Variants in ST6GALNAC3 observed in about 807,000 individuals in gnomAD.
ST6GALNAC3 encodes ST6 N-acetylgalactosaminide alpha-2,6-sialyltransferase 3.
In ST6GALNAC3, 25 loss-of-function variants were observed where a neutral mutation model predicts 32.7. That is an observed-to-expected ratio of 0.76 (90% confidence interval 0.56 to 1.07). The LOEUF is 1.07. Ranked by LOEUF, ST6GALNAC3 falls within the 50% of genes least tolerant of loss-of-function variation. The probability of loss-of-function intolerance (pLI) is 0.00; values close to 1 mark genes in which losing one functional copy is unlikely to be tolerated. For missense variants in ST6GALNAC3, 355 were observed against 382.4 expected (o/e 0.93, Z 0.60); for synonymous variants, 129 against 133.1 (o/e 0.97, Z 0.21).
At chr1:76,086,208 C>T (rs965143179) in intron 1 of ST6GALNAC3, among the ~76,000 whole-genome samples, 3 of 152,204 alleles carry the variant, frequency 2.0e-5, no homozygotes, top group African/African-American at 7.2e-5. Context: ...CAGGAAACAG[C>T]TTTCACAGTT....
chr1:76,321,504 T>C (rs1646965990), intron 2 of ST6GALNAC3, among the ~76,000 whole-genome samples: 1 of 152,202 alleles, frequency 6.6e-6, no homozygotes. Context: ...AAAAAAGTCC[T>C]AGCTGATATA....
chr1:76,257,692 G>A (rs1261821509), intron 1 of ST6GALNAC3, among the ~76,000 whole-genome samples: 5 of 152,012 alleles, frequency 3.3e-5, no homozygotes, highest in Non-Finnish European at 1.5e-5. Context: ...TATTTGGCCT[G>A]TACCCACTGT....
Position 76,132,027 on chromosome 1 carries a change from T to C in ST6GALNAC3, c.18+57143T>C, listed in dbSNP as rs116673874. On this transcript the variant is annotated intron_variant, in intron 1 of 4. Coordinates refer to ENST00000328299, the MANE Select transcript of ST6GALNAC3 (RefSeq NM_152996.4). ...CCATGCCCTCCCCAAAAACACACAATGCCACCATTCCACTCCTCCCTTGTG... is the reference window on the plus strand; with the variant it reads ...CCATGCCCTCCCCAAAAACACACAACGCCACCATTCCACTCCTCCCTTGTG... 7.8e-3 allele frequency among the ~76,000 whole-genome samples: 1,195 copies of C among 152,282 alleles called. 14 individuals are homozygous for C. Among genetic ancestry groups the C allele is most frequent in the African/African-American group, 0.028 (1,153 of 41,556 alleles).
chr1:76,577,112 T>G (rs1307404078), intron 3 of ST6GALNAC3: 1 of 1,086,516 alleles, frequency 9.2e-7, no homozygotes, highest in Non-Finnish European at 1.1e-6. Flanking sequence ...AGGGAAATTG[T>G]GGTATGTGGT....
intron 1 of ST6GALNAC3, among the ~76,000 whole-genome samples, chr1:76,205,865 A>G (rs1022024880): frequency 6.6e-6 from 1 of 152,166 alleles, no homozygotes; most frequent in African/African-American, 2.4e-5. Context: ...CGGATCCCCA[A>G]ACAGTGAATG....
At chr1:76,252,722 G>T (rs1377513297) in intron 1 of ST6GALNAC3, among the ~76,000 whole-genome samples, 2 of 152,134 alleles carry the variant, frequency 1.3e-5, no homozygotes, top group African/African-American at 4.8e-5. Context: ...TGTAAACACA[G>T]CTGAGAAATG....
intron 3 of ST6GALNAC3, among the ~76,000 whole-genome samples, chr1:76,426,584 GAGAGAGAGAA>G (rs1435797647): frequency 6.6e-6 from 1 of 151,244 alleles, no homozygotes; most frequent in African/African-American, 2.4e-5. Context: ...TATATATAGG[GAGAGAGAGAA>G]AGAGAGAGAG....
rs115574324 is a variant in ST6GALNAC3 at position 76,137,306 on chromosome 1, C to T, written c.18+62422C>T. On this transcript the variant is annotated intron_variant, in intron 1 of 4. Coordinates refer to ENST00000328299, the MANE Select transcript of ST6GALNAC3 (RefSeq NM_152996.4). ...ATTTTCAGCACCCTCAGCTGTTAGC[C>T]GTGCTATGGATGTGATGTTGGGGAA... Among the ~76,000 whole-genome samples, 1,120 of 152,290 alleles carry T rather than the reference C, an allele frequency of 7.4e-3. 15 individuals are homozygous for T. The highest frequency in any genetic ancestry group is 0.025 in the African/African-American group (1,051 of 41,554).
At chr1:76,256,841 T>A (rs1054692059) in intron 1 of ST6GALNAC3, among the ~76,000 whole-genome samples, 1 of 152,006 alleles carries the variant, frequency 6.6e-6, no homozygotes, top group South Asian at 2.1e-4. Flanking sequence ...AGAAAAATAC[T>A]CCAGTCACAA....
chr1:76,543,668 G>C (rs977873065), intron 3 of ST6GALNAC3, among the ~76,000 whole-genome samples: 5 of 152,108 alleles, frequency 3.3e-5, no homozygotes, highest in African/African-American at 1.2e-4. Flanking sequence ...ATCTCAGAGA[G>C]CAGAGAACTC....
At chr1:76,362,826 G>A (rs968928884) in intron 2 of ST6GALNAC3, among the ~76,000 whole-genome samples, 3 of 152,216 alleles carry the variant, frequency 2.0e-5, no homozygotes, top group Non-Finnish European at 4.4e-5. Flanking sequence ...GCAGGGTTCA[G>A]CCCCCATGGC....
At chr1:76,499,336 T>G (rs893808562) in intron 3 of ST6GALNAC3, among the ~76,000 whole-genome samples, 8 of 152,170 alleles carry the variant, frequency 5.3e-5, no homozygotes, top group Admixed American at 1.3e-4. Context: ...GTGTGAACAT[T>G]GAGTTCCATT....
At chr1:76,470,685 A>G (rs1470339451) in intron 3 of ST6GALNAC3, among the ~76,000 whole-genome samples, 1 of 152,050 alleles carries the variant, frequency 6.6e-6, no homozygotes, top group African/African-American at 2.4e-5. Context: ...GAGTTTGGAT[A>G]AAAACTCAAG....
intron 1 of ST6GALNAC3, among the ~76,000 whole-genome samples, chr1:76,282,497 A>G (rs1196460663): frequency 6.6e-6 from 1 of 152,160 alleles, no homozygotes; most frequent in Admixed American, 6.5e-5. Flanking sequence ...GTATATGTCA[A>G]TACTTGATTA....
At chr1:76,462,822 A>G (rs960309713) in intron 3 of ST6GALNAC3, among the ~76,000 whole-genome samples, 3 of 152,226 alleles carry the variant, frequency 2.0e-5, no homozygotes, top group Non-Finnish European at 2.9e-5. Context: ...TGCTGCAGGG[A>G]TGCTCATTAG....
intron 1 of ST6GALNAC3, among the ~76,000 whole-genome samples, chr1:76,216,699 G>A (rs547872925): frequency 1.3e-5 from 2 of 152,314 alleles, no homozygotes; most frequent in African/African-American, 4.8e-5. Flanking sequence ...CAACCATTGA[G>A]TGAAATCCAA....
chr1:76,155,713 G>A (rs1396018890), intron 1 of ST6GALNAC3, among the ~76,000 whole-genome samples: 1 of 151,666 alleles, frequency 6.6e-6, no homozygotes, highest in Non-Finnish European at 1.5e-5. Flanking sequence ...TCCTGACCTC[G>A]TGATCCACCT....
chr1:76,326,111 G>A (rs1391688080), intron 2 of ST6GALNAC3, among the ~76,000 whole-genome samples: 1 of 152,148 alleles, frequency 6.6e-6, no homozygotes, highest in Non-Finnish European at 1.5e-5. Flanking sequence ...CATCCAGGCT[G>A]AGATCGGCTG....
At chr1:76,075,678 T>C (rs889707145) in intron 1 of ST6GALNAC3, among the ~76,000 whole-genome samples, 2 of 151,004 alleles carry the variant, frequency 1.3e-5, no homozygotes, top group African/African-American at 2.4e-5. Context: ...AAAAGAACTT[T>C]CCATCCCACT....
Sources: gnomAD v4.1 joint callset for allele counts (sites outside exome capture counted in the v4.1 genomes callset) on GRCh38, gnomAD v4.1.1 for gene constraint, MANE v1.5 for transcripts, NCBI Gene and HGNC (gene_info 2026-07-23, HGNC 2026-07-21) for gene names.